The following AFG2A variants were observed in gnomAD, a reference collection of about 807,000 sequenced individuals.
AFG2A encodes the protein ATPase family gene 2 protein homolog A.
the AFG2A span, among the ~76,000 whole-genome samples, chr4:123,008,158 C>G: frequency 2.0e-5 from 3 of 152,154 alleles, no homozygotes; most frequent in African/African-American, 7.2e-5. Context: ...TCTCTTTCTG[C>G]TGAGGCCTAT....
the AFG2A span, among the ~76,000 whole-genome samples, chr4:123,136,085 T>C: frequency 1.7e-4 from 26 of 152,342 alleles, no homozygotes; most frequent in Admixed American, 1.5e-3. Flanking sequence ...TAACTCAGTG[T>C]CTTTAACTAA....
the AFG2A span, among the ~76,000 whole-genome samples, chr4:122,948,808 C>T: frequency 6.6e-6 from 1 of 152,182 alleles, no homozygotes; most frequent in Admixed American, 6.5e-5. Context: ...TAAGTTATTG[C>T]TTTCAGGTGC....
At chr4:123,050,791 C>T in the AFG2A span, among the ~76,000 whole-genome samples, 1 of 151,204 alleles carries the variant, frequency 6.6e-6, no homozygotes, top group Non-Finnish European at 1.5e-5. Context: ...TTCGCCCAGA[C>T]TGGAGTGCAG....
the AFG2A span, among the ~76,000 whole-genome samples, chr4:122,980,924 G>C: frequency 6.6e-6 from 1 of 151,476 alleles, no homozygotes; most frequent in Non-Finnish European, 1.5e-5. Flanking sequence ...CCTCATATAT[G>C]GTTCACACAT....
the AFG2A span, among the ~76,000 whole-genome samples, chr4:123,202,936 A>T: frequency 0.69 from 104,331 of 151,756 alleles, 36,300 homozygotes; most frequent in Non-Finnish European, 0.73. Flanking sequence ...GGTGGGAGGA[A>T]CCCTTGAGCC....
the AFG2A span, among the ~76,000 whole-genome samples, chr4:123,017,160 GAA>G: frequency 7.2e-5 from 5 of 69,850 alleles, no homozygotes; most frequent in Non-Finnish European, 1.4e-4. Context: ...GGGGGAGAGG[GAA>G]GGGGAGAGGG....
chr4:123,023,671 G>T, the AFG2A span, among the ~76,000 whole-genome samples: 1 of 151,960 alleles, frequency 6.6e-6, no homozygotes, highest in Non-Finnish European at 1.5e-5. Context: ...CAATCTTCTG[G>T]CTTCTCTTGT....
chr4:123,084,251 A>G, the AFG2A span, among the ~76,000 whole-genome samples: 1 of 151,878 alleles, frequency 6.6e-6, no homozygotes, highest in Admixed American at 6.5e-5. Context: ...CTCTGAAAGG[A>G]CCAACTTTTA....
At chr4:122,954,939 G>C in the AFG2A span, among the ~76,000 whole-genome samples, 7 of 152,218 alleles carry the variant, frequency 4.6e-5, no homozygotes, top group Admixed American at 1.3e-4. Context: ...ACATAAATGT[G>C]ATGGTCAGCC....
At chr4:123,287,507 G>A in the AFG2A span, among the ~76,000 whole-genome samples, 52 of 152,190 alleles carry the variant, frequency 3.4e-4, no homozygotes, top group South Asian at 7.3e-3. Context: ...TTCCACATTC[G>A]GTTAAAAACC....
the AFG2A span, among the ~76,000 whole-genome samples, chr4:123,244,386 G>A: frequency 1.3e-5 from 2 of 152,276 alleles, no homozygotes; most frequent in East Asian, 1.9e-4. Flanking sequence ...ACAGAAACAC[G>A]CTGTTCCTCT....
At chr4:123,085,067 G>T in the AFG2A span, among the ~76,000 whole-genome samples, 3 of 148,320 alleles carry the variant, frequency 2.0e-5, no homozygotes, top group Non-Finnish European at 4.5e-5. Context: ...ATTCTATTTT[G>T]GTCTGAAAGC....
the AFG2A span, among the ~76,000 whole-genome samples, chr4:123,040,835 T>C: frequency 6.6e-6 from 1 of 152,156 alleles, no homozygotes; most frequent in Non-Finnish European, 1.5e-5. Flanking sequence ...AGTCACTCTG[T>C]AGTATCTTAA....
the AFG2A span, among the ~76,000 whole-genome samples, chr4:123,304,484 A>G: frequency 6.6e-6 from 1 of 152,200 alleles, no homozygotes; most frequent in South Asian, 2.1e-4. Flanking sequence ...GGGGCGGGTG[A>G]GCAGAGGCAA....
chr4:123,032,756 A>G, the AFG2A span, among the ~76,000 whole-genome samples: 6 of 152,110 alleles, frequency 3.9e-5, no homozygotes, highest in Non-Finnish European at 1.5e-5. Flanking sequence ...GCAGTACAGT[A>G]CTCCCTCATG....
chr4:122,951,541 C>T, the AFG2A span, among the ~76,000 whole-genome samples: 3 of 152,028 alleles, frequency 2.0e-5, no homozygotes, highest in African/African-American at 7.2e-5. Context: ...CTGTGGAAAT[C>T]AGGGAGAAAT....
chr4:123,291,276 A>T, the AFG2A span, among the ~76,000 whole-genome samples: 3 of 152,102 alleles, frequency 2.0e-5, no homozygotes, highest in Non-Finnish European at 4.4e-5. Context: ...ACCAGTCAGT[A>T]TCTTTTAATT....
chr4:123,191,070 T>C, the AFG2A span, among the ~76,000 whole-genome samples: 2 of 152,196 alleles, frequency 1.3e-5, no homozygotes, highest in South Asian at 4.1e-4. Context: ...CTGTTAGAGC[T>C]GTATCAATTA....
the AFG2A span, among the ~76,000 whole-genome samples, chr4:123,047,692 T>C: frequency 2.1e-5 from 3 of 145,438 alleles, no homozygotes; most frequent in African/African-American, 7.3e-5. Flanking sequence ...TCAGGTCTTA[T>C]GTTTAAGTGC....
Sources: gnomAD v4.1 joint callset for allele counts (sites outside exome capture counted in the v4.1 genomes callset) on GRCh38, gnomAD v4.1.1 for gene constraint, MANE v1.5 for transcripts, NCBI Gene and HGNC (gene_info 2026-07-23, HGNC 2026-07-21) for gene names.